The following MOB3B variants were observed in gnomAD, a reference collection of about 807,000 sequenced individuals.
MOB3B encodes MOB kinase activator 3B.
Under a neutral mutation model 18.7 loss-of-function variants are expected in MOB3B, and 7 were observed. That is an observed-to-expected ratio of 0.37 (90% CI 0.21 to 0.70). The LOEUF (loss-of-function observed/expected upper bound fraction) is 0.70, where lower values mean the gene tolerates loss of function less well. MOB3B is among the 30% of genes least tolerant of loss of function. The pLI is 0.52. For missense variants in MOB3B, 253 were observed against 281.3 expected (o/e 0.90, Z 0.72); for synonymous variants, 111 against 99.9 (o/e 1.11, Z -0.66).
At chr9:27,440,161 T>C (rs1049763367) in intron 2 of MOB3B, among the ~76,000 whole-genome samples, 10 of 152,304 alleles carry the variant, frequency 6.6e-5, no homozygotes, top group African/African-American at 2.2e-4. Flanking sequence ...ATAAATCCCA[T>C]TCAGAAATGA....
chr9:27,349,648 A>T (rs938402725), intron 3 of MOB3B, among the ~76,000 whole-genome samples: 3 of 152,256 alleles, frequency 2.0e-5, no homozygotes, highest in Non-Finnish European at 4.4e-5. Flanking sequence ...CATTAAAAAA[A>T]TAAAAAAGTA....
At chr9:27,453,113 A>G (rs4609280) in intron 2 of MOB3B, among the ~76,000 whole-genome samples, 1 of 152,072 alleles carries the variant, frequency 6.6e-6, no homozygotes, top group East Asian at 1.9e-4. Context: ...AAGTTTGACA[A>G]CTGTAATATA....
chr9:27,404,335 C>T (rs1361989954), intron 2 of MOB3B, among the ~76,000 whole-genome samples: 14 of 143,030 alleles, frequency 9.8e-5, no homozygotes, highest in Non-Finnish European at 1.5e-4. Context: ...TTCTTTCTTT[C>T]CTTCTTTCTT....
At chr9:27,479,414 T>C (rs1048332697) in intron 1 of MOB3B, among the ~76,000 whole-genome samples, 7 of 152,198 alleles carry the variant, frequency 4.6e-5, no homozygotes, top group African/African-American at 1.7e-4. Flanking sequence ...GCATTGAGGA[T>C]TAAGTTTCTA....
At position 27,483,907 on chromosome 9, in the gene MOB3B, C is replaced by G. The variant is rs1819699050; in HGVS notation, c.-198-28159G>C. ...GCTCGCCCTTCATGAATGAAATCTT[C>G]AAAAAAGCTACAGACTCTGGAAAAT... On this transcript the variant is annotated intron_variant, in intron 1 of 3. Coordinates refer to ENST00000262244, the MANE Select transcript of MOB3B (RefSeq NM_024761.5). 2.0e-5 allele frequency among the ~76,000 whole-genome samples: 3 copies of G among 152,118 alleles called. No homozygotes were observed. In the South Asian group the frequency reaches 6.2e-4, roughly 32 times the overall value.
intron 1 of MOB3B, among the ~76,000 whole-genome samples, chr9:27,464,249 CT>C (rs542092918): frequency 2.1e-4 from 32 of 152,132 alleles, no homozygotes; most frequent in Non-Finnish European, 3.8e-4. Context: ...AATGGAAGCC[CT>C]GCATAGGAGG....
At chr9:27,356,098 C>G (rs1487836947) in intron 3 of MOB3B, among the ~76,000 whole-genome samples, 2 of 152,150 alleles carry the variant, frequency 1.3e-5, no homozygotes, top group African/African-American at 4.8e-5. Context: ...GCCTCAGAAA[C>G]ATTCTTAATA....
intron 3 of MOB3B, among the ~76,000 whole-genome samples, chr9:27,344,425 G>A (rs528281589): frequency 6.6e-6 from 1 of 152,244 alleles, no homozygotes; most frequent in Admixed American, 6.5e-5. Context: ...CGTTGCACTA[G>A]CAACAAAAAA....
intron 1 of MOB3B, among the ~76,000 whole-genome samples, chr9:27,527,285 A>G (rs916326162): frequency 3.3e-5 from 5 of 152,304 alleles, no homozygotes; most frequent in African/African-American, 1.2e-4. Context: ...CTGCTGCTAA[A>G]TTTCAAAGGA....
intron 1 of MOB3B, among the ~76,000 whole-genome samples, chr9:27,503,206 A>C (rs942922074): frequency 6.6e-6 from 1 of 152,184 alleles, no homozygotes; most frequent in Non-Finnish European, 1.5e-5. Context: ...GGGAAAGGGA[A>C]GGACTGGGAG....
chr9:27,431,051 G>A (rs192411104), intron 2 of MOB3B, among the ~76,000 whole-genome samples: 6 of 152,064 alleles, frequency 3.9e-5, no homozygotes, highest in African/African-American at 1.2e-4. Flanking sequence ...AAATGACTGC[G>A]ATTTTGTGCA....
intron 3 of MOB3B, among the ~76,000 whole-genome samples, chr9:27,354,772 G>A (rs1218697036): frequency 6.6e-6 from 1 of 152,096 alleles, no homozygotes; most frequent in African/African-American, 2.4e-5. Context: ...CAATCCCATG[G>A]GAGTGACTGA....
Position 27,470,114 on chromosome 9 carries a change from G to GAAAAAAAA in MOB3B, c.-198-14374_-198-14367dup, listed in dbSNP as rs751414011. Among the ~76,000 whole-genome samples, 2 of 125,956 alleles carry GAAAAAAAA rather than the reference G, an allele frequency of 1.6e-5. 1 individual carries two copies. The highest frequency in any genetic ancestry group is 3.2e-5 in the Non-Finnish European group (2 of 62,440). 82.6% of individuals were successfully genotyped at this position (125,956 alleles called of 152,430 possible). On this transcript the variant is annotated intron_variant, in intron 1 of 3. Transcript: ENST00000262244. Reference sequence around the variant, plus strand: ...CAGAGTGAGACCCTGTCTCTTAAAAGAAAAAAAAAAAAAAGAAAAGAAAAC... The same window carrying GAAAAAAAA: ...CAGAGTGAGACCCTGTCTCTTAAAAGAAAAAAAAAAAAAAAAAAAAAAGAAAAGAAAAC...
At chr9:27,421,274 G>A (rs7030246) in intron 2 of MOB3B, 95,984 of 151,960 alleles carry the variant, frequency 0.63, 31,016 homozygotes, top group Non-Finnish European at 0.69. Context: ...TATTTTTAGT[G>A]GAGATGGGGG....
chr9:27,344,106 GA>G (rs11333928), intron 3 of MOB3B, among the ~76,000 whole-genome samples: 17,675 of 145,412 alleles, frequency 0.12, 2,682 homozygotes, highest in African/African-American at 0.36. Flanking sequence ...ATTTAGAAAG[GA>G]AAAAAAAAAC....
intron 2 of MOB3B, among the ~76,000 whole-genome samples, chr9:27,441,701 G>A (rs1822597130): frequency 6.6e-6 from 1 of 152,174 alleles, no homozygotes; most frequent in African/African-American, 2.4e-5. Context: ...ACAGGTGACT[G>A]AAACAGAGGA....
intron 1 of MOB3B, among the ~76,000 whole-genome samples, chr9:27,492,935 G>A (rs1819842687): frequency 6.6e-6 from 1 of 152,152 alleles, no homozygotes; most frequent in Non-Finnish European, 1.5e-5. Flanking sequence ...TTTCTAGGGT[G>A]CAAAATGGGG....
intron 1 of MOB3B, among the ~76,000 whole-genome samples, chr9:27,462,185 T>C (rs1819304069): frequency 6.6e-6 from 1 of 152,212 alleles, no homozygotes. Context: ...ATAAAGATTA[T>C]AAATCTTATA....
At chr9:27,364,655 T>G (rs1821318234) in intron 2 of MOB3B, among the ~76,000 whole-genome samples, 1 of 152,230 alleles carries the variant, frequency 6.6e-6, no homozygotes, top group Non-Finnish European at 1.5e-5. Flanking sequence ...ACTTTCCCCT[T>G]AAAGAATATA....
Sources: gnomAD v4.1 joint callset for allele counts (sites outside exome capture counted in the v4.1 genomes callset) on GRCh38, gnomAD v4.1.1 for gene constraint, MANE v1.5 for transcripts, NCBI Gene and HGNC (gene_info 2026-07-23, HGNC 2026-07-21) for gene names.